The following ZNF500 variants were observed in gnomAD, a reference collection of about 807,000 sequenced individuals.
ZNF500 encodes zinc finger protein with KRAB and SCAN domains 18.
Under a neutral mutation model 30.1 loss-of-function variants are expected in ZNF500, and 31 were observed. That is an observed-to-expected ratio of 1.03 (90% confidence interval 0.77 to 1.39). The LOEUF (loss-of-function observed/expected upper bound fraction) is 1.39. ZNF500 is among the 40% of genes most tolerant of loss of function. The probability of loss-of-function intolerance (pLI) is 0.00; values close to 1 mark genes in which losing one functional copy is unlikely to be tolerated. For missense variants in ZNF500, 817 were observed against 657.8 expected, an observed-to-expected ratio of 1.24 and a Z score of -2.65; for synonymous variants, 392 against 282.0, an observed-to-expected ratio of 1.39 and a Z score of -3.91.
downstream of ZNF500, chr16:4,747,478 A>G: frequency 6.2e-7 from 1 of 1,613,260 alleles, no homozygotes. Context: ...CTGGATCACG[A>G]ACTGGGAGGA....
At chr16:4,764,564 G>C (rs549563499) in intron 2 of ZNF500, among the ~76,000 whole-genome samples, 7 of 151,428 alleles carry the variant, frequency 4.6e-5, no homozygotes, top group South Asian at 2.1e-4. Context: ...GGTGAATCAC[G>C]AGGTCAGGAG....
chr16:4,746,350 A>AC (rs772597722), downstream of ZNF500: 15 of 1,603,140 alleles, frequency 9.4e-6, no homozygotes, highest in Admixed American at 2.6e-4. Flanking sequence ...AACTGACTCC[A>AC]CAACACCTGC....
rs890011958 is a variant in ZNF500 at position 4,751,606 on chromosome 16, C to A, written c.*770G>T. 8 of 1,535,194 alleles carry A rather than the reference C, an allele frequency of 5.2e-6. No homozygotes were observed. Among genetic ancestry groups the A allele is most frequent in the Admixed American group, 2.0e-5 (1 of 50,970 alleles). On this transcript the variant is annotated 3_prime_UTR_variant, in exon 6 of 6. Transcript: ENST00000219478. ...GGCTGGGGTACAGCAGGGCTCCCTG[C>A]AGCAGACGAGGGGTCCCTCAAATTC...
chr16:4,744,858 G>C, downstream of ZNF500: 1 of 1,608,894 alleles, frequency 6.2e-7, no homozygotes, highest in Non-Finnish European at 8.5e-7. Context: ...CCTCTCCTTT[G>C]GCCATCCTCA....
At chr16:4,765,298 A>G (rs2082251959) in intron 2 of ZNF500, among the ~76,000 whole-genome samples, 1 of 152,132 alleles carries the variant, frequency 6.6e-6, no homozygotes, top group Admixed American at 6.5e-5. Context: ...TATGTCTCAA[A>G]AAAAAAAACA....
intron 2 of ZNF500, 37 bp from the exon 3 acceptor site, chr16:4,762,793 A>G (rs763227919): frequency 2.6e-6 from 4 of 1,541,740 alleles, no homozygotes. Context: ...CAGCTCCCAG[A>G]AGGCCAGAAG....
At position 4,765,554 on chromosome 16, in the gene ZNF500, C is replaced by G; in HGVS notation, c.414+11G>C. Reference sequence around the variant, plus strand: ...ATTTCCTCACCTGAGGGTCAAAATGCCCCCACTCACCCGCTGCCTGTGTTT... The same window carrying G: ...ATTTCCTCACCTGAGGGTCAAAATGGCCCCACTCACCCGCTGCCTGTGTTT... On this transcript the variant is annotated intron_variant, in intron 2 of 5. Coordinates refer to ENST00000219478, the MANE Select transcript of ZNF500 (RefSeq NM_021646.4). The G allele has an allele frequency of 6.4e-7, 1 of 1,570,592 alleles. No individual in the cohort carries two copies. The highest frequency in any genetic ancestry group is 8.6e-7 in the Non-Finnish European group (1 of 1,157,020).
rs200307038 is a variant in ZNF500 at position 4,765,645 on chromosome 16, C to A, written c.334G>T (p.Glu112Ter). 2 of 1,613,496 alleles carry A rather than the reference C, an allele frequency of 1.2e-6. No individual in the cohort carries two copies. Among genetic ancestry groups the A allele is most frequent in the Non-Finnish European group, 1.7e-6 (2 of 1,179,956 alleles). ...LPGEIQARVR[E>*]QQPESGEEAV... ...TCCTCACCGCTCTCCGGCTGCTGCT[C>A]GCGTACCCGAGCCTGGATCTCCCCC... The change falls in exon 2 of 6, where the codon GAG becomes TAG. Residue 112 changes from glutamate (E) to a stop codon, truncating the protein, a stop_gained. Coordinates refer to ENST00000219478, the MANE Select transcript of ZNF500 (RefSeq NM_021646.4). LOFTEE classifies it high-confidence loss of function.
chr16:4,763,741 G>A (rs2082233195), intron 2 of ZNF500: 1 of 965,266 alleles, frequency 1.0e-6, no homozygotes, highest in Non-Finnish European at 1.2e-6. Flanking sequence ...AAACACTGAA[G>A]CTGTGGTGGC....
chr16:4,753,154 G>T, intron 5 of ZNF500, 96 bp from the exon 6 acceptor site: 2 of 1,457,386 alleles, frequency 1.4e-6, no homozygotes, highest in Non-Finnish European at 1.8e-6. Flanking sequence ...GGCTCCTAAG[G>T]TTCCCCTACA....
chr16:4,765,646 G>A lies in ZNF500; in HGVS notation c.333C>T (p.Arg111=), dbSNP rs749403064. Residue 111 remains arginine, a synonymous_variant, in exon 2 of 6, where the codon CGC becomes CGT. Transcript: ENST00000219478. ...VLPGEIQARV[R]EQQPESGEEA... ...CCTCACCGCTCTCCGGCTGCTGCTC[G>A]CGTACCCGAGCCTGGATCTCCCCCG... 41 of 1,613,292 alleles carry A rather than the reference G, an allele frequency of 2.5e-5. No homozygotes were observed. Among genetic ancestry groups the A allele is most frequent in the Middle Eastern group, 1.6e-4 (1 of 6,072 alleles).
At chr16:4,744,941 G>C, downstream of ZNF500, 1 of 1,613,876 alleles carries the variant, frequency 6.2e-7, no homozygotes, top group South Asian at 1.1e-5. Context: ...GCAGTCCAAG[G>C]CCTCTGCTTG....
downstream of ZNF500, chr16:4,746,391 C>T (rs866089828): frequency 1.9e-6 from 3 of 1,612,114 alleles, no homozygotes; most frequent in South Asian, 1.1e-5. Flanking sequence ...CTCAAGGAAG[C>T]AGGGCTCCCA....
rs75277834 is a variant in ZNF500, at chr16:4,751,643, G to A, written c.*733C>T. Reference sequence around the variant, plus strand: ...GGTCCCTCAAATTCATGTGCACCCAGACCTCAGAATGTGACCTTATTTGGA... The same window carrying A: ...GGTCCCTCAAATTCATGTGCACCCAAACCTCAGAATGTGACCTTATTTGGA... On this transcript the variant is annotated 3_prime_UTR_variant, in exon 6 of 6. Transcript: ENST00000219478. 2,015 of 1,535,260 alleles carry A rather than the reference G, an allele frequency of 1.3e-3. 27 individuals carry two copies. The African/African-American group carries it at 0.025, about 19-fold the overall frequency.
In ZNF500 at chr16:4,752,240, GT is replaced by G; in HGVS notation, c.*135del. ...CCTCTGCGGCCTGGGCATCCCAAAT[GT>G]CCCCTGCTGGCCTCATACTGGGCCA... On this transcript the variant is annotated 3_prime_UTR_variant, in exon 6 of 6. Coordinates refer to ENST00000219478, the MANE Select transcript of ZNF500 (RefSeq NM_021646.4). The G allele has an allele frequency of 7.0e-7, 1 of 1,424,058 alleles. No homozygotes were observed. Among genetic ancestry groups the G allele is most frequent in the South Asian group, 1.6e-5 (1 of 62,384 alleles). The allele number at this position is 1,424,058 out of a possible 1,614,324, so 88.2% of individuals were successfully genotyped here.
rs1407111748 is a variant in ZNF500, at chr16:4,751,922, G to T, written c.*454C>A. 8.8e-6 allele frequency: 3 copies of T among 341,280 alleles called. No homozygotes were observed. The highest frequency in any genetic ancestry group is 1.4e-5 in the Non-Finnish European group (3 of 213,246). The allele number at this position is 341,280 out of a possible 1,614,324, so 21.1% of individuals were successfully genotyped here. On this transcript the variant is annotated 3_prime_UTR_variant, in exon 6 of 6. Transcript: ENST00000219478. The stretch of plus-strand genomic sequence containing the variant: ...GGCCCCGTCTCAAAAAAAAAAGGGG[G>T]GGGGAGCAGGTGGGGGGTACACACA...
intron 2 of ZNF500, chr16:4,763,651 C>T: frequency 2.0e-6 from 2 of 985,430 alleles, no homozygotes; most frequent in Non-Finnish European, 2.4e-6. Context: ...CAGCCTGCCC[C>T]TCTCAGCTCA....
intron 5 of ZNF500, among the ~76,000 whole-genome samples, chr16:4,755,685 G>C (rs574151580): frequency 4.6e-5 from 7 of 152,132 alleles, no homozygotes; most frequent in Non-Finnish European, 8.8e-5. Context: ...CATTATATGA[G>C]CCAATGACTT....
At chr16:4,754,057 A>G (rs926649808) in intron 5 of ZNF500, among the ~76,000 whole-genome samples, 2 of 152,210 alleles carry the variant, frequency 1.3e-5, no homozygotes, top group South Asian at 2.1e-4. Context: ...CTTCCTTTGC[A>G]GCATGAGGGT....
Sources: gnomAD v4.1 joint callset for allele counts (sites outside exome capture counted in the v4.1 genomes callset) on GRCh38, gnomAD v4.1.1 for gene constraint, MANE v1.5 for transcripts, NCBI Gene and HGNC (gene_info 2026-07-23, HGNC 2026-07-21) for gene names.